The following ULK4 variants were observed in gnomAD, a reference collection of about 807,000 sequenced individuals.
The protein encoded by ULK4 is unc-51 like kinase 4.
ULK4 carries 133 observed loss-of-function variants against 160.6 expected under a neutral mutation model. The observed-to-expected ratio is 0.83, with a 90% CI of 0.72 to 0.96. ULK4 has a LOEUF of 0.96. Among genes scored for constraint, ULK4 ranks in the 40% least tolerant of loss-of-function variants. The pLI is 0.00. For missense variants in ULK4, 1,580 were observed against 1,499.5 expected, an observed-to-expected ratio of 1.05 and a Z score of -0.89; for synonymous variants, 534 against 539.8, an observed-to-expected ratio of 0.99 and a Z score of 0.15.
intron 35 of ULK4, among the ~76,000 whole-genome samples, chr3:41,268,618 C>T (rs1159495694): frequency 1.3e-5 from 2 of 151,932 alleles, no homozygotes; most frequent in Non-Finnish European, 2.9e-5. Flanking sequence ...CCAGTCTGGC[C>T]AACATGGTGA....
chr3:41,868,084 T>C (rs776248439), intron 17 of ULK4, among the ~76,000 whole-genome samples: 47 of 152,226 alleles, frequency 3.1e-4, no homozygotes, highest in Admixed American at 2.6e-4. Context: ...AATAAAGGTA[T>C]TGTATAATCG....
At position 41,578,143 on chromosome 3, in the gene ULK4, G is replaced by C. The variant is rs748239127; in HGVS notation, c.3121-12013C>G. Reference sequence around the variant, plus strand: ...AGCAGAAGGCTATCTCTAAAGAGGTGATAGTCATCTTACAGTCAGGGTTGA... The same window carrying C: ...AGCAGAAGGCTATCTCTAAAGAGGTCATAGTCATCTTACAGTCAGGGTTGA... On this transcript the variant is annotated intron_variant, in intron 31 of 36. Coordinates refer to ENST00000301831, the MANE Select transcript of ULK4 (RefSeq NM_017886.4). Among the ~76,000 whole-genome samples the C allele has an allele frequency of 4.4e-4, 67 of 152,320 alleles. 1 individual carries two copies. The highest frequency in any genetic ancestry group is 6.8e-3 in the Middle Eastern group (2 of 294).
At chr3:41,770,667 C>T (rs536454208) in intron 21 of ULK4, among the ~76,000 whole-genome samples, 2 of 152,008 alleles carry the variant, frequency 1.3e-5, no homozygotes, top group African/African-American at 2.4e-5. Flanking sequence ...CGCACTACCA[C>T]GACAGGCTAA....
intron 35 of ULK4, among the ~76,000 whole-genome samples, chr3:41,278,635 T>C (rs13434088): frequency 0.25 from 37,864 of 152,104 alleles, 6,982 homozygotes; most frequent in African/African-American, 0.52. Flanking sequence ...CTGCAGCCTC[T>C]GCTGGTGATA....
At chr3:41,864,535 A>G (rs189164533) in intron 17 of ULK4, among the ~76,000 whole-genome samples, 44 of 152,192 alleles carry the variant, frequency 2.9e-4, no homozygotes, top group African/African-American at 8.7e-4. Context: ...GGAATCCTCT[A>G]TTCCACCATC....
intron 22 of ULK4, among the ~76,000 whole-genome samples, chr3:41,721,663 G>C (rs9869440): frequency 0.31 from 47,468 of 151,626 alleles, 10,856 homozygotes; most frequent in African/African-American, 0.65. Flanking sequence ...ACCATGCCTG[G>C]CCAATGTTTT....
chr3:41,809,851 G>C (rs1296193433), intron 19 of ULK4, among the ~76,000 whole-genome samples: 1 of 151,990 alleles, frequency 6.6e-6, no homozygotes, highest in Non-Finnish European at 1.5e-5. Flanking sequence ...TATCTATTGG[G>C]ATGTTGACTG....
At chr3:41,513,349 C>T (rs2085649805) in intron 32 of ULK4, among the ~76,000 whole-genome samples, 1 of 152,138 alleles carries the variant, frequency 6.6e-6, no homozygotes, top group African/African-American at 2.4e-5. Context: ...AAATAATCAG[C>T]AGAGTTGGCC....
In ULK4 at chr3:41,731,995, A is replaced by C. The variant is rs536647570; in HGVS notation, c.2322-14134T>G. Among the ~76,000 whole-genome samples the C allele has an allele frequency of 2.0e-5, 3 of 152,310 alleles. No individual in the cohort carries two copies. In the South Asian group the frequency reaches 6.2e-4, roughly 32 times the overall value. On this transcript the variant is annotated intron_variant, in intron 22 of 36. Coordinates refer to ENST00000301831, the MANE Select transcript of ULK4 (RefSeq NM_017886.4). Reference sequence around the variant, plus strand: ...ACAAAAATCAAGTCAAAATGGACTGAAGACTTAAATTTAAGATCTGAAACT... The same window carrying C: ...ACAAAAATCAAGTCAAAATGGACTGCAGACTTAAATTTAAGATCTGAAACT...
chr3:41,694,168 C>T (rs777894216), intron 27 of ULK4, among the ~76,000 whole-genome samples: 12 of 152,282 alleles, frequency 7.9e-5, no homozygotes, highest in East Asian at 1.9e-4. Context: ...AAATACAGAA[C>T]GGGCAATGGC....
intron 2 of ULK4, among the ~76,000 whole-genome samples, chr3:41,939,684 CA>C (rs1299214787): frequency 1.3e-5 from 2 of 152,090 alleles, no homozygotes; most frequent in Non-Finnish European, 2.9e-5. Context: ...CCACTTGAGC[CA>C]GGGGGGTCCC....
At chr3:41,769,064 G>A (rs2039264332) in intron 21 of ULK4, among the ~76,000 whole-genome samples, 1 of 152,050 alleles carries the variant, frequency 6.6e-6, no homozygotes, top group Non-Finnish European at 1.5e-5. Flanking sequence ...TATGATTTAG[G>A]GTGAAACTAG....
chr3:41,572,986 C>T (rs536853231), intron 31 of ULK4, among the ~76,000 whole-genome samples: 23 of 152,110 alleles, frequency 1.5e-4, no homozygotes, highest in African/African-American at 4.8e-4. Context: ...AAAGGCAATC[C>T]CACTACACTT....
At chr3:41,259,918 C>G (rs1000153625) in intron 35 of ULK4, 1 of 152,158 alleles carries the variant, frequency 6.6e-6, no homozygotes, top group African/African-American at 2.4e-5. Flanking sequence ...GAAGCTGACA[C>G]AGTGAGAGCA....
intron 17 of ULK4, among the ~76,000 whole-genome samples, chr3:41,841,599 G>A (rs1362927451): frequency 6.6e-6 from 1 of 152,176 alleles, no homozygotes; most frequent in East Asian, 1.9e-4. Flanking sequence ...GAGTGCCTCT[G>A]CCAGGCCGCC....
intron 30 of ULK4, among the ~76,000 whole-genome samples, chr3:41,616,889 A>T (rs1279384358): frequency 1.3e-5 from 2 of 152,182 alleles, no homozygotes; most frequent in African/African-American, 2.4e-5. Context: ...CATTGGCTTG[A>T]AATTCTCACT....
chr3:41,518,204 G>C (rs2085815485), intron 32 of ULK4, among the ~76,000 whole-genome samples: 1 of 152,242 alleles, frequency 6.6e-6, no homozygotes, highest in East Asian at 1.9e-4. Flanking sequence ...AAGAAGACTG[G>C]ATTAAATCCA....
chr3:41,430,207 T>G (rs2082873012), intron 34 of ULK4, among the ~76,000 whole-genome samples: 1 of 152,190 alleles, frequency 6.6e-6, no homozygotes, highest in African/African-American at 2.4e-5. Context: ...CAGTAGAAAC[T>G]TAACAAACTA....
intron 17 of ULK4, 139 bp from the exon 18 acceptor site, chr3:41,836,110 C>T: frequency 1.7e-6 from 1 of 596,358 alleles, no homozygotes; most frequent in Non-Finnish European, 3.0e-6. Context: ...AAATATGGGC[C>T]TTATATTCCT....
Sources: gnomAD v4.1 joint callset for allele counts (sites outside exome capture counted in the v4.1 genomes callset) on GRCh38, gnomAD v4.1.1 for gene constraint, MANE v1.5 for transcripts, NCBI Gene and HGNC (gene_info 2026-07-23, HGNC 2026-07-21) for gene names.